EDARADD: variants seen among roughly 807,000 people sequenced by gnomAD.
EDARADD encodes the protein ectodysplasin-A receptor-associated adapter protein.
Under a neutral mutation model 25.6 loss-of-function variants are expected in EDARADD, and 20 were observed. The ratio of observed to expected loss-of-function variants is 0.78; its 90% confidence interval spans 0.55 to 1.14. EDARADD has a LOEUF of 1.14. Ranked by LOEUF, EDARADD falls within the 50% of genes most tolerant of loss-of-function variation. The probability of loss-of-function intolerance (pLI) is 0.00; values close to 1 mark genes in which losing one functional copy is unlikely to be tolerated. For missense variants in EDARADD, 225 were observed against 270.1 expected (o/e 0.83, Z 1.17); for synonymous variants, 86 against 94.4 (o/e 0.91, Z 0.52).
intron 4 of EDARADD, among the ~76,000 whole-genome samples, chr1:236,440,368 A>G (rs1162743578): frequency 6.6e-6 from 1 of 152,062 alleles, no homozygotes; most frequent in African/African-American, 2.4e-5. Flanking sequence ...TTGTCCCTCC[A>G]TGTAAATTTT....
rs34509027 is a variant in EDARADD, at chr1:236,385,089, C to CTTTTTTTTTTTTTTTTTTTTTTTTTTTTT, written c.-5-24110_-5-24109insTTTTTTTTTTTTTTTTTTTTTTTTTTTTT. ...GATTTTTATTCTATGCCTTTTGATT[C>CTTTTTTTTTTTTTTTTTTTTTTTTTTTTT]TTTTTTTTTTTTTTTTTGCCTTAAG... On this transcript the variant is annotated intron_variant, in intron 3 of 7. Transcript: ENST00000439430. 4.9e-5 allele frequency among the ~76,000 whole-genome samples: 6 copies of CTTTTTTTTTTTTTTTTTTTTTTTTTTTTT among 121,948 alleles called. 1 individual carries two copies. Among genetic ancestry groups the CTTTTTTTTTTTTTTTTTTTTTTTTTTTTT allele is most frequent in the African/African-American group, 1.7e-4 (5 of 29,754 alleles). 80.0% of individuals were successfully genotyped at this position (121,948 alleles called of 152,430 possible). A position where few individuals can be genotyped will look rare whatever the true frequency, so the allele number is the denominator to read the frequency against.
At chr1:236,468,544 C>T (rs1207422495) in intron 5 of EDARADD, among the ~76,000 whole-genome samples, 5 of 152,046 alleles carry the variant, frequency 3.3e-5, no homozygotes, top group African/African-American at 7.2e-5. Flanking sequence ...CGCTTGAACC[C>T]GGGAGGCGGA....
chr1:236,473,155 A>G (rs1027542938), intron 5 of EDARADD, among the ~76,000 whole-genome samples: 2 of 152,192 alleles, frequency 1.3e-5, no homozygotes, highest in Non-Finnish European at 2.9e-5. Flanking sequence ...AGCTTATTCT[A>G]TCTGGGAGAG....
At position 236,460,557 on chromosome 1, in the gene EDARADD, G is replaced by A. The variant is rs148432681; in HGVS notation, c.220-7674G>A. Among the ~76,000 whole-genome samples the A allele has an allele frequency of 4.1e-4, 62 of 151,962 alleles. 1 individual carries two copies. The East Asian group carries it at 8.9e-3, about 22-fold the overall frequency. On this transcript the variant is annotated intron_variant, in intron 4 of 5. Transcript: ENST00000334232. ...TAGATATATGTCCACATTTTTATACGGACTTATATTGTAAGAAAAAGTAAA... is the reference window on the plus strand; with the variant it reads ...TAGATATATGTCCACATTTTTATACAGACTTATATTGTAAGAAAAAGTAAA...
At chr1:236,358,842 A>AT (rs71176495) in intron 3 of EDARADD, among the ~76,000 whole-genome samples, 51,633 of 151,762 alleles carry the variant, frequency 0.34, 8,968 homozygotes, top group African/African-American at 0.42. Flanking sequence ...GAGAATGTAT[A>AT]TTCTATTGTT....
chr1:236,482,044 G>A (rs1045547448), intron 5 of EDARADD, among the ~76,000 whole-genome samples: 2 of 150,674 alleles, frequency 1.3e-5, no homozygotes, highest in Non-Finnish European at 3.0e-5. Context: ...ACCCCTGGGA[G>A]GCGGAGCTTG....
At chr1:236,477,244 G>A (rs1332639333) in intron 5 of EDARADD, among the ~76,000 whole-genome samples, 3 of 151,936 alleles carry the variant, frequency 2.0e-5, no homozygotes, top group African/African-American at 4.8e-5. Context: ...GGCCGGGCAC[G>A]GTGGCTCACA....
chr1:236,470,672 C>T (rs1039838655), intron 5 of EDARADD, among the ~76,000 whole-genome samples: 1 of 152,178 alleles, frequency 6.6e-6, no homozygotes, highest in African/African-American at 2.4e-5. Flanking sequence ...ATGGCGAGAT[C>T]TCGGCTCACT....
chr1:236,378,404 C>A (rs1667251054), intron 3 of EDARADD, among the ~76,000 whole-genome samples: 2 of 152,178 alleles, frequency 1.3e-5, no homozygotes, highest in African/African-American at 4.8e-5. Flanking sequence ...CTCAGCAATT[C>A]TTCAGTTACA....
Position 236,394,305 on chromosome 1 carries a change from C to G in EDARADD, c.-140C>G. 1 of 896,846 alleles carries G rather than the reference C, an allele frequency of 1.1e-6. No individual in the cohort carries two copies. Among genetic ancestry groups the G allele is most frequent in the Non-Finnish European group, 1.8e-6 (1 of 554,942 alleles). 55.6% of individuals were successfully genotyped at this position (896,846 alleles called of 1,614,324 possible). A position where few individuals can be genotyped will look rare whatever the true frequency, so the allele number is the denominator to read the frequency against. ...GAAGGCAGACCAAGAGGAAGTTTAT[C>G]CTCCCACCTACAAATTCCCCAGAGA... On this transcript the variant is annotated 5_prime_UTR_variant, in exon 1 of 6. The change creates a new upstream start codon in the 5' untranslated region. Transcript: ENST00000334232.
chr1:236,406,828 G>T (rs1240217908), intron 1 of EDARADD, among the ~76,000 whole-genome samples: 2 of 152,184 alleles, frequency 1.3e-5, no homozygotes, highest in Admixed American at 6.5e-5. Context: ...GAGCTCCCCA[G>T]GCTGCGAGTG....
intron 2 of EDARADD, among the ~76,000 whole-genome samples, chr1:236,412,994 G>T (rs1163344791): frequency 6.6e-6 from 1 of 152,234 alleles, no homozygotes; most frequent in Non-Finnish European, 1.5e-5. Flanking sequence ...CTCCTGAGCA[G>T]CTGGGATTAC....
Position 236,374,790 on chromosome 1 carries a change from T to A in EDARADD, c.-6+23951T>A, listed in dbSNP as rs75406691. ...CTAATTTTTACATTTAATGTATATG[T>A]GCCTTTATATTTAAAGTGGGTCTCT... On this transcript the variant is annotated intron_variant, in intron 3 of 7. Coordinates refer to the EDARADD transcript ENST00000439430. Among the ~76,000 whole-genome samples, 993 of 152,004 alleles carry A rather than the reference T, an allele frequency of 6.5e-3. 6 individuals carry two copies. Among genetic ancestry groups the A allele is most frequent in the Non-Finnish European group, 0.011 (740 of 67,988 alleles).
chr1:236,372,167 G>A (rs1315763258), intron 3 of EDARADD, among the ~76,000 whole-genome samples: 3 of 151,740 alleles, frequency 2.0e-5, no homozygotes, highest in Admixed American at 2.0e-4. Context: ...TATTGGCCAG[G>A]CTGGTCTCAA....
At chr1:236,433,443 T>G (rs1658160561) in intron 4 of EDARADD, among the ~76,000 whole-genome samples, 2 of 151,448 alleles carry the variant, frequency 1.3e-5, no homozygotes, top group Admixed American at 1.3e-4. Flanking sequence ...CCAGAGCAGC[T>G]GGGATCACAG....
At chr1:236,456,222 G>A (rs1196915937) in intron 4 of EDARADD, among the ~76,000 whole-genome samples, 2 of 152,180 alleles carry the variant, frequency 1.3e-5, no homozygotes, top group Admixed American at 1.3e-4. Flanking sequence ...GTGAACGGAA[G>A]CATCGCGGAT....
At chr1:236,445,391 C>T (rs950937524) in intron 4 of EDARADD, among the ~76,000 whole-genome samples, 6 of 152,088 alleles carry the variant, frequency 3.9e-5, no homozygotes, top group Non-Finnish European at 8.8e-5. Context: ...CCACGCCCGG[C>T]TGATTTTTGC....
At chr1:236,383,624 C>G (rs1374490817) in intron 3 of EDARADD, among the ~76,000 whole-genome samples, 1 of 152,168 alleles carries the variant, frequency 6.6e-6, no homozygotes, top group Non-Finnish European at 1.5e-5. Flanking sequence ...TATCCATTTA[C>G]AAAGGAATTA....
rs531045166 is a variant in EDARADD at position 236,359,872 on chromosome 1, C to T, written c.-6+9033C>T. Among the ~76,000 whole-genome samples, 5 of 152,324 alleles carry T rather than the reference C, an allele frequency of 3.3e-5. No individual in the cohort carries two copies. In the East Asian group the frequency reaches 9.6e-4, roughly 29 times the overall value. On this transcript the variant is annotated intron_variant, in intron 3 of 7. Coordinates refer to the EDARADD transcript ENST00000439430. ...GTGGGGACACAGCCAAACCATATCA[C>T]CAGCCTCCTGTTAGAAATAAATTTC...
Sources: allele counts gnomAD v4.1 joint callset (sites outside exome capture counted in the v4.1 genomes callset), GRCh38; gene constraint gnomAD v4.1.1; transcripts MANE v1.5; gene names NCBI Gene and HGNC (gene_info 2026-07-23, HGNC 2026-07-21).